The following DPF3 variants were observed in gnomAD, a reference collection of about 807,000 sequenced individuals.
DPF3 encodes the protein double PHD fingers 3.
DPF3 carries 18 observed loss-of-function variants against 56.8 expected under a neutral mutation model. That is an observed-to-expected ratio of 0.32 (90% confidence interval 0.22 to 0.47). The LOEUF is 0.47. Among genes scored for constraint, DPF3 ranks in the 20% least tolerant of loss-of-function variants. The pLI, the probability that DPF3 is intolerant of heterozygous loss-of-function variation, is 1.00. For missense variants in DPF3, 403 were observed against 488.8 expected (o/e 0.82, Z 1.65); for synonymous variants, 188 against 180.2 (o/e 1.04, Z -0.35).
At chr14:72,763,896 T>C (rs1222405975) in intron 2 of DPF3, among the ~76,000 whole-genome samples, 1 of 152,162 alleles carries the variant, frequency 6.6e-6, no homozygotes. Flanking sequence ...AATAAGCAAA[T>C]AGCTCAATTT....
intron 1 of DPF3, among the ~76,000 whole-genome samples, chr14:72,793,831 G>A (rs537752092): frequency 6.6e-6 from 1 of 152,332 alleles, no homozygotes; most frequent in South Asian, 2.1e-4. Flanking sequence ...AACAATGCCA[G>A]CTCCATGTGA....
At chr14:72,836,169 G>T (rs1012683890) in intron 1 of DPF3, 1 of 986,146 alleles carries the variant, frequency 1.0e-6, no homozygotes, top group Non-Finnish European at 1.2e-6. Flanking sequence ...TCTCAGAAGG[G>T]GTTGGAGCCT....
rs140597443 is a variant in DPF3 at position 72,648,886 on chromosome 14, G to A, written c.872-19150C>T. On this transcript the variant is annotated intron_variant, in intron 8 of 10. Transcript: ENST00000556509. ...GACCAAGCATCCCCCTCTGTTGAGC[G>A]TCCAATTTCTCTGCTCCTTCTTCTT... Among the ~76,000 whole-genome samples the A allele has an allele frequency of 2.1e-3, 321 of 152,152 alleles. No individual in the cohort carries two copies. In the Middle Eastern group the frequency reaches 0.027, roughly 13 times the overall value.
intron 1 of DPF3, among the ~76,000 whole-genome samples, chr14:72,832,909 T>C (rs1171404107): frequency 2.0e-5 from 3 of 152,062 alleles, no homozygotes; most frequent in Non-Finnish European, 2.9e-5. Context: ...CCAAGAAACC[T>C]CAAGGAATTC....
At chr14:72,849,527 G>A (rs574182667) in intron 1 of DPF3, among the ~76,000 whole-genome samples, 6 of 152,294 alleles carry the variant, frequency 3.9e-5, no homozygotes, top group Middle Eastern at 3.4e-3. Flanking sequence ...TGCCAGGCCC[G>A]GCAGTTCTCC....
Position 72,612,042 on chromosome 14 carries a change from C to G in DPF3, c.*7255G>C, listed in dbSNP as rs1029346901. On this transcript the variant is annotated 3_prime_UTR_variant, in exon 11 of 11. Coordinates refer to ENST00000556509, the MANE Select transcript of DPF3 (RefSeq NM_001280542.3). ...CCTAGAGCATTGCCTCGCACACAGT[C>G]GATGCCCTGCCAAGGGTTTTAATTT... Among the ~76,000 whole-genome samples the G allele has an allele frequency of 6.6e-6, 1 of 152,166 alleles. No individual in the cohort carries two copies. Among genetic ancestry groups the G allele is most frequent in the African/African-American group, 2.4e-5 (1 of 41,442 alleles).
At chr14:72,657,938 C>A (rs1039114302) in intron 8 of DPF3, among the ~76,000 whole-genome samples, 1 of 152,102 alleles carries the variant, frequency 6.6e-6, no homozygotes, top group Non-Finnish European at 1.5e-5. Flanking sequence ...TTCAGAATAA[C>A]CTCCTCTCCA....
At chr14:72,741,118 C>A (rs952254874) in intron 3 of DPF3, among the ~76,000 whole-genome samples, 1 of 152,180 alleles carries the variant, frequency 6.6e-6, no homozygotes, top group Non-Finnish European at 1.5e-5. Context: ...ATGGCACACA[C>A]TTTTCCAGCG....
At chr14:72,733,673 A>T (rs1008920588) in intron 3 of DPF3, among the ~76,000 whole-genome samples, 1 of 152,126 alleles carries the variant, frequency 6.6e-6, no homozygotes, top group Admixed American at 6.5e-5. Context: ...CAGCCTACCG[A>T]GCTCCGAGCA....
intron 3 of DPF3, among the ~76,000 whole-genome samples, chr14:72,745,685 G>A (rs1040279892): frequency 1.3e-5 from 2 of 152,074 alleles, no homozygotes; most frequent in African/African-American, 4.8e-5. Flanking sequence ...TCCTTGGGAA[G>A]GTCAGCCTCA....
chr14:72,672,663 G>GA (rs1257388287), intron 8 of DPF3, among the ~76,000 whole-genome samples: 3 of 152,042 alleles, frequency 2.0e-5, no homozygotes, highest in African/African-American at 7.2e-5. Context: ...GCTTTGCATA[G>GA]AAAAAAACAA....
At chr14:72,723,181 C>T (rs993004420) in intron 5 of DPF3, among the ~76,000 whole-genome samples, 3 of 151,798 alleles carry the variant, frequency 2.0e-5, no homozygotes, top group Non-Finnish European at 4.4e-5. Flanking sequence ...TGCTATCCCT[C>T]CCCCCAGCCC....
intron 1 of DPF3, among the ~76,000 whole-genome samples, chr14:72,866,788 G>A (rs961195251): frequency 6.6e-6 from 1 of 150,614 alleles, no homozygotes; most frequent in South Asian, 2.1e-4. Context: ...CCCAGGAGGT[G>A]GATGTTGCAG....
intron 1 of DPF3, among the ~76,000 whole-genome samples, chr14:72,789,122 C>T (rs1338754559): frequency 6.6e-6 from 1 of 152,184 alleles, no homozygotes; most frequent in Non-Finnish European, 1.5e-5. Flanking sequence ...GCAGTCCTGG[C>T]TGTGAGCTCC....
chr14:72,656,969 A>G (rs1460577415), intron 8 of DPF3, among the ~76,000 whole-genome samples: 1 of 152,236 alleles, frequency 6.6e-6, no homozygotes, highest in African/African-American at 2.4e-5. Flanking sequence ...GAAGGTTTCA[A>G]TTCAGTAGTA....
intron 8 of DPF3, among the ~76,000 whole-genome samples, chr14:72,631,276 G>T (rs1885154425): frequency 6.6e-6 from 1 of 152,172 alleles, no homozygotes; most frequent in Non-Finnish European, 1.5e-5. Context: ...CCGCAGCTCT[G>T]AACTAATAAC....
At position 72,615,682 on chromosome 14, in the gene DPF3, G is replaced by A. The variant is rs1000923414; in HGVS notation, c.*3615C>T. On this transcript the variant is annotated 3_prime_UTR_variant, in exon 11 of 11. Coordinates refer to ENST00000556509, the MANE Select transcript of DPF3 (RefSeq NM_001280542.3). ...GCCCAGGCTTCCGGCTTCCTACCTCGCCCTGGGGCAGGGACAGGAGCAGGG... is the reference window on the plus strand; with the variant it reads ...GCCCAGGCTTCCGGCTTCCTACCTCACCCTGGGGCAGGGACAGGAGCAGGG... 2.0e-5 allele frequency among the ~76,000 whole-genome samples: 3 copies of A among 152,154 alleles called. No individual in the cohort carries two copies. The highest frequency in any genetic ancestry group is 1.5e-5 in the Non-Finnish European group (1 of 68,028).
chr14:72,724,806 C>T (rs1889330291), intron 4 of DPF3, among the ~76,000 whole-genome samples: 1 of 151,774 alleles, frequency 6.6e-6, no homozygotes, highest in South Asian at 2.1e-4. Flanking sequence ...CCTCCCAGGC[C>T]TAAGCGATCC....
At chr14:72,793,661 G>A (rs1892528784) in intron 1 of DPF3, among the ~76,000 whole-genome samples, 1 of 152,202 alleles carries the variant, frequency 6.6e-6, no homozygotes, top group Non-Finnish European at 1.5e-5. Context: ...AGCATCCAAA[G>A]ATGGGGTGGG....
Sources: allele counts gnomAD v4.1 joint callset (sites outside exome capture counted in the v4.1 genomes callset), GRCh38; gene constraint gnomAD v4.1.1; transcripts MANE v1.5; gene names NCBI Gene and HGNC (gene_info 2026-07-23, HGNC 2026-07-21).